Variants in GPR107 observed in about 807,000 individuals in gnomAD.
GPR107 encodes the protein G protein-coupled receptor 107, also known as protein GPR107.
Under a neutral mutation model 75.5 loss-of-function variants are expected in GPR107, and 31 were observed. The observed-to-expected ratio is 0.41, with a 90% confidence interval of 0.31 to 0.55. GPR107 has a LOEUF of 0.55. Ranked by LOEUF, GPR107 falls within the 20% of genes least tolerant of loss-of-function variation. GPR107 has a pLI of 0.26. For missense variants in GPR107, 572 were observed against 665.7 expected, an observed-to-expected ratio of 0.86 and a Z score of 1.55; for synonymous variants, 267 against 251.3, an observed-to-expected ratio of 1.06 and a Z score of -0.59.
At chr9:130,068,638 G>A (rs917652072) in intron 1 of GPR107, among the ~76,000 whole-genome samples, 1 of 151,996 alleles carries the variant, frequency 6.6e-6, no homozygotes, top group Non-Finnish European at 1.5e-5. Context: ...ATATGAAGTC[G>A]GTGCAGAAGT....
At chr9:130,058,907 C>T (rs1829860993) in intron 1 of GPR107, among the ~76,000 whole-genome samples, 1 of 152,102 alleles carries the variant, frequency 6.6e-6, no homozygotes, top group Non-Finnish European at 1.5e-5. Context: ...TAGCAGTTCA[C>T]CAGTCGATGG....
intron 9 of GPR107, among the ~76,000 whole-genome samples, chr9:130,097,066 G>T (rs768786682): frequency 6.6e-6 from 1 of 152,112 alleles, no homozygotes; most frequent in Non-Finnish European, 1.5e-5. Flanking sequence ...GATCCCCTGT[G>T]GATCTGTGCA....
At chr9:130,062,399 G>A (rs1829946453) in intron 1 of GPR107, among the ~76,000 whole-genome samples, 1 of 145,746 alleles carries the variant, frequency 6.9e-6, no homozygotes, top group South Asian at 2.2e-4. Flanking sequence ...GGTGACAAGA[G>A]CAAGACCCTG....
chr9:130,087,805 C>CAAAAAAAAAAAAAAAAAAAAAAAAAA (rs35984705), intron 7 of GPR107, among the ~76,000 whole-genome samples: 6 of 87,624 alleles, frequency 6.8e-5, no homozygotes, highest in Admixed American at 1.4e-4. Context: ...GACCCTGTCT[C>CAAAAAAAAAAAAAAAAAAAAAAAAAA]AAAAAAAAAA....
intron 14 of GPR107, among the ~76,000 whole-genome samples, chr9:130,109,991 G>A (rs1357163924): frequency 3.3e-5 from 5 of 152,144 alleles, no homozygotes; most frequent in East Asian, 1.9e-4. Context: ...TCCCAAGGGC[G>A]GTGCTTTTTG....
At chr9:130,122,543 G>A (rs141155591) in intron 14 of GPR107, among the ~76,000 whole-genome samples, 3 of 152,276 alleles carry the variant, frequency 2.0e-5, no homozygotes, top group Non-Finnish European at 4.4e-5. Flanking sequence ...ACACCTGATC[G>A]CACACCGGTC....
Position 130,100,767 on chromosome 9 carries a change from C to G in GPR107, c.1013+65C>G, listed in dbSNP as rs570501826. 8.6e-6 allele frequency: 10 copies of G among 1,169,162 alleles called. No individual in the cohort carries two copies. In the South Asian group the frequency reaches 1.2e-4, roughly 14 times the overall value. 72.4% of individuals were successfully genotyped at this position (1,169,162 alleles called of 1,614,324 possible). ...CATACAAGACAAGGGGGGTGGGCAA[C>G]AACCTGCCCCAAGTTAACCAGCCCT... On this transcript the variant is annotated intron_variant, in intron 11 of 17. Transcript: ENST00000347136.
At chr9:130,065,016 G>A (rs1321966199) in intron 1 of GPR107, among the ~76,000 whole-genome samples, 1 of 152,138 alleles carries the variant, frequency 6.6e-6, no homozygotes, top group Non-Finnish European at 1.5e-5. Context: ...AAGCTACCCA[G>A]TGTGTGGCTA....
At chr9:130,095,078 T>C (rs1370868636) in intron 9 of GPR107, among the ~76,000 whole-genome samples, 1 of 152,216 alleles carries the variant, frequency 6.6e-6, no homozygotes, top group African/African-American at 2.4e-5. Context: ...CAGACCTGAT[T>C]TCAGGTGTGA....
intron 1 of GPR107, among the ~76,000 whole-genome samples, chr9:130,071,040 T>TC (rs1830195361): frequency 7.1e-6 from 1 of 141,288 alleles, no homozygotes; most frequent in Non-Finnish European, 1.5e-5. Flanking sequence ...TTTTTCTTTT[T>TC]TTTTTTTTTT....
intron 1 of GPR107, among the ~76,000 whole-genome samples, chr9:130,054,622 C>A (rs1000132430): frequency 2.0e-5 from 3 of 152,178 alleles, no homozygotes; most frequent in African/African-American, 7.2e-5. Flanking sequence ...TAAGGTGTGT[C>A]TCTAATCAAA....
At position 130,137,291 on chromosome 9, in the gene GPR107, A is replaced by G. The variant is rs1165119054; in HGVS notation, c.*2170A>G. The G allele has an allele frequency of 6.6e-6, 1 of 152,312 alleles. No individual in the cohort carries two copies. Among genetic ancestry groups the G allele is most frequent in the East Asian group, 1.9e-4 (1 of 5,200 alleles). 9.4% of individuals were successfully genotyped at this position (152,312 alleles called of 1,614,324 possible). A position where few individuals can be genotyped will look rare whatever the true frequency, so the allele number is the denominator to read the frequency against. On this transcript the variant is annotated 3_prime_UTR_variant, in exon 18 of 18. Transcript: ENST00000347136. ...AGAGAGGCAGGCGTGTGTGTGGACAAGCGCTGGAGCCGCAGCCCTCAGACT... is the reference window on the plus strand; with the variant it reads ...AGAGAGGCAGGCGTGTGTGTGGACAGGCGCTGGAGCCGCAGCCCTCAGACT...
Position 130,100,070 on chromosome 9 carries a change from T to C in GPR107, c.939+538T>C, listed in dbSNP as rs568323529. ...CCACCACGCCCAGCTAATTTTTTTG[T>C]ATTTTTAGTAGAGACGGGGTTTCAC... is the stretch of plus-strand genomic sequence containing the variant. On this transcript the variant is annotated intron_variant, in intron 10 of 17. Transcript: ENST00000347136. 5.9e-5 allele frequency among the ~76,000 whole-genome samples: 9 copies of C among 152,022 alleles called. No individual in the cohort carries two copies. In the East Asian group the frequency reaches 1.7e-3, roughly 29 times the overall value.
At position 130,119,485 on chromosome 9, in the gene GPR107, C is replaced by T. The variant is rs151256007; in HGVS notation, c.1307-5430C>T. Among the ~76,000 whole-genome samples the T allele has an allele frequency of 7.2e-3, 1,093 of 152,316 alleles. 20 individuals carry two copies. The highest frequency in any genetic ancestry group is 0.025 in the African/African-American group (1,037 of 41,570). On this transcript the variant is annotated intron_variant, in intron 14 of 17. Transcript: ENST00000347136. ...ATTAATTCCCCAGCAACCCTAAGGG[C>T]GGGCATCGTTACTTCTGCCTTAACA...
intron 14 of GPR107, 136 bp from the exon 15 acceptor site, chr9:130,124,779 A>G (rs1221271854): frequency 8.1e-6 from 5 of 614,712 alleles, no homozygotes; most frequent in South Asian, 4.0e-5. Context: ...ACTTGATTCC[A>G]GATAGATGGA....
intron 16 of GPR107, 144 bp from the exon 17 acceptor site, chr9:130,128,496 T>A (rs1327929821): frequency 5.5e-6 from 4 of 722,230 alleles, no homozygotes; most frequent in Non-Finnish European, 9.6e-6. Flanking sequence ...CTAAGGAAAA[T>A]GCCCTGTAGC....
intron 1 of GPR107, among the ~76,000 whole-genome samples, chr9:130,069,842 C>T (rs1197165653): frequency 6.6e-6 from 1 of 151,956 alleles, no homozygotes; most frequent in Non-Finnish European, 1.5e-5. Flanking sequence ...TGCACCACCA[C>T]ACCCGGCAAA....
rs1832020537 is a variant in GPR107, at chr9:130,138,596, G to C, written c.*3475G>C. The stretch of plus-strand genomic sequence containing the variant: ...TGCCATCTTTCTCCCCGTGCCTATT[G>C]ATCCCACATAGGCTCATTCTGGGTA... On this transcript the variant is annotated 3_prime_UTR_variant, in exon 18 of 18. Coordinates refer to ENST00000347136, the MANE Select transcript of GPR107 (RefSeq NM_020960.5). The C allele has an allele frequency of 6.7e-6, 1 of 148,394 alleles. No homozygotes were observed. Among genetic ancestry groups the C allele is most frequent in the Admixed American group, 6.9e-5 (1 of 14,580 alleles). The allele number at this position is 148,394 out of a possible 1,614,324, so 9.2% of individuals were successfully genotyped here.
intron 11 of GPR107, 132 bp downstream of exon 11, chr9:130,100,834 G>A: frequency 1.4e-6 from 1 of 709,234 alleles, no homozygotes; most frequent in Non-Finnish European, 2.5e-6. Context: ...CCATACCAGA[G>A]GAGTGTAGCT....
Sources: allele counts gnomAD v4.1 joint callset (sites outside exome capture counted in the v4.1 genomes callset), GRCh38; gene constraint gnomAD v4.1.1; transcripts MANE v1.5; gene names NCBI Gene and HGNC (gene_info 2026-07-23, HGNC 2026-07-21).